CRB1: variants seen among roughly 807,000 people sequenced by gnomAD.
CRB1 encodes the protein protein crumbs homolog 1.
CRB1 carries 83 observed loss-of-function variants against 120.0 expected under a neutral mutation model. The ratio of observed to expected loss-of-function variants is 0.69; its 90% CI spans 0.58 to 0.83. The LOEUF (loss-of-function observed/expected upper bound fraction) is 0.83, where lower values mean the gene tolerates loss of function less well. Ranked by LOEUF, CRB1 falls within the 40% of genes least tolerant of loss-of-function variation. The pLI, the probability that CRB1 is intolerant of heterozygous loss-of-function variation, is 0.00. For missense variants in CRB1, 1,699 were observed against 1,687.6 expected (o/e 1.01, Z -0.12); for synonymous variants, 625 against 612.5 (o/e 1.02, Z -0.30).
At chr1:197,269,125 G>A (rs1654765175) in intron 1 of CRB1, among the ~76,000 whole-genome samples, 1 of 152,210 alleles carries the variant, frequency 6.6e-6, no homozygotes, top group Non-Finnish European at 1.5e-5. Context: ...TGGAAAATCA[G>A]AGGAGACCAA....
At chr1:197,345,661 C>T (rs1558068766) in intron 3 of CRB1, among the ~76,000 whole-genome samples, 1 of 151,852 alleles carries the variant, frequency 6.6e-6, no homozygotes, top group African/African-American at 2.4e-5. Flanking sequence ...ATGCCCACCA[C>T]CATGCCTGGC....
intron 5 of CRB1, among the ~76,000 whole-genome samples, chr1:197,405,609 C>T (rs559593787): frequency 1.4e-3 from 219 of 151,242 alleles, no homozygotes; most frequent in African/African-American, 5.2e-3. Flanking sequence ...TCTGCCCGGC[C>T]GCCATCCCAT....
intron 5 of CRB1, among the ~76,000 whole-genome samples, chr1:197,408,260 G>GA (rs1663521329): frequency 6.6e-6 from 1 of 152,154 alleles, no homozygotes; most frequent in Admixed American, 6.5e-5. Flanking sequence ...AACTGTGAAA[G>GA]AAAGTTGGGA....
chr1:197,274,546 T>A (rs907198820), intron 1 of CRB1, among the ~76,000 whole-genome samples: 19 of 152,190 alleles, frequency 1.2e-4, no homozygotes, highest in Non-Finnish European at 1.8e-4. Flanking sequence ...ACCATTAAAG[T>A]ATTATGCAGA....
intron 11 of CRB1, chr1:197,444,569 T>A (rs1158894145): frequency 1.3e-5 from 2 of 152,236 alleles, no homozygotes; most frequent in African/African-American, 4.8e-5. Context: ...CTGTTCCAAA[T>A]GTAATATGTT....
At chr1:197,442,061 T>A (rs1665469524) in intron 10 of CRB1, 105 bp from the exon 11 acceptor site, 1 of 1,315,170 alleles carries the variant, frequency 7.6e-7, no homozygotes, top group Non-Finnish European at 1.1e-6. Context: ...GATGGGTAGA[T>A]AAGACTGTGC....
chr1:197,416,845 G>A (rs527965804), intron 5 of CRB1, among the ~76,000 whole-genome samples: 86 of 152,204 alleles, frequency 5.7e-4, no homozygotes, highest in Admixed American at 3.1e-3. Flanking sequence ...GAGTAGCTGG[G>A]ATTACAGGCA....
At position 197,268,490 on chromosome 1, in the gene CRB1, T is replaced by A; in HGVS notation, c.70+8T>A. On this transcript the variant is annotated splice_region_variant and intron_variant, in intron 1 of 11. Transcript: ENST00000367400. ...TGCTTATCTACATAAAAAGTAAGCCTTTCCCACTTTGGGCATTTTTCCTGG... is the reference window on the plus strand; with the variant it reads ...TGCTTATCTACATAAAAAGTAAGCCATTCCCACTTTGGGCATTTTTCCTGG... 1 of 1,601,162 alleles carries A rather than the reference T, an allele frequency of 6.2e-7. No homozygotes were observed. Among genetic ancestry groups the A allele is most frequent in the South Asian group, 1.1e-5 (1 of 90,814 alleles).
At chr1:197,358,283 T>C (rs1008828054) in intron 5 of CRB1, among the ~76,000 whole-genome samples, 1 of 152,246 alleles carries the variant, frequency 6.6e-6, no homozygotes, top group African/African-American at 2.4e-5. Flanking sequence ...AGCTACTTTA[T>C]ATTTTTCTTG....
At chr1:197,224,438 C>T in the CRB1 span, among the ~76,000 whole-genome samples, 1 of 152,074 alleles carries the variant, frequency 6.6e-6, no homozygotes, top group Non-Finnish European at 1.5e-5. Context: ...AGTCACAGTT[C>T]CTTTAATGAG....
In CRB1 at chr1:197,427,599, C is replaced by G. The variant is rs1474289008; in HGVS notation, c.2274C>G (p.Ser758Arg). 1.4e-5 allele frequency: 23 copies of G among 1,613,848 alleles called. No individual in the cohort carries two copies. The highest frequency in any genetic ancestry group is 1.8e-5 in the Non-Finnish European group (21 of 1,180,010). ...PSGLLLALEN[S>R]TYQYIRVWLE... Reference sequence around the variant, plus strand: ...GCTTACTTCTAGCTTTGGAAAACAGCACTTATCAATATATCCGTGTCTGGC... The same window carrying G: ...GCTTACTTCTAGCTTTGGAAAACAGGACTTATCAATATATCCGTGTCTGGC... The change falls in exon 7 of 12, where the codon AGC (serine) becomes AGG (arginine). Residue 758 changes from serine (S) to arginine (R), a missense_variant. By Grantham distance (110) the Ser-to-Arg change is moderately radical (BLOSUM62 -1). Coordinates refer to ENST00000367400, the MANE Select transcript of CRB1 (RefSeq NM_201253.3).
Position 197,478,100 on chromosome 1 carries a change from G to A in CRB1, c.*221G>A. 4 of 571,342 alleles carry A rather than the reference G, an allele frequency of 7.0e-6. No homozygotes were observed. Among genetic ancestry groups the A allele is most frequent in the South Asian group, 6.1e-5 (3 of 49,528 alleles). The allele number at this position is 571,342 out of a possible 1,614,324, so 35.4% of individuals were successfully genotyped here. A position where few individuals can be genotyped will look rare whatever the true frequency, so the allele number is the denominator to read the frequency against. On this transcript the variant is annotated 3_prime_UTR_variant, in exon 12 of 12. Coordinates refer to ENST00000367400, the MANE Select transcript of CRB1 (RefSeq NM_201253.3). ...CCAATTGCAAAAAAAGTCTGTGCCA[G>A]TAATTTCAGCCTTATAATTAGCAAA...
chr1:197,324,434 A>G (rs1210332132), intron 1 of CRB1, among the ~76,000 whole-genome samples: 1 of 152,190 alleles, frequency 6.6e-6, no homozygotes, highest in Non-Finnish European at 1.5e-5. Flanking sequence ...AATGTTTTTT[A>G]AAAAACTACT....
chr1:197,348,824 T>C (rs1267229520), intron 4 of CRB1, among the ~76,000 whole-genome samples: 1 of 152,214 alleles, frequency 6.6e-6, no homozygotes, highest in Non-Finnish European at 1.5e-5. Context: ...TGATTTAAGC[T>C]AAGCATTATT....
intron 11 of CRB1, among the ~76,000 whole-genome samples, chr1:197,477,263 C>A (rs937825635): frequency 2.6e-5 from 4 of 152,226 alleles, no homozygotes; most frequent in East Asian, 1.9e-4. Context: ...ATAACCATTT[C>A]TTCAGTCCCA....
chr1:197,366,444 T>C (rs1661081270), intron 5 of CRB1, among the ~76,000 whole-genome samples: 1 of 152,236 alleles, frequency 6.6e-6, no homozygotes, highest in South Asian at 2.1e-4. Context: ...AACTGTTCTT[T>C]TTTTGTATTA....
the CRB1 span, chr1:197,222,905 A>G: frequency 8.7e-7 from 1 of 1,154,054 alleles, no homozygotes; most frequent in Non-Finnish European, 1.3e-6. Flanking sequence ...ACTCTGAACA[A>G]TTCATAGTTG....
intron 6 of CRB1, among the ~76,000 whole-genome samples, chr1:197,423,196 G>T (rs1284549394): frequency 6.6e-6 from 1 of 152,098 alleles, no homozygotes; most frequent in East Asian, 1.9e-4. Context: ...GCTTCCAGAT[G>T]CAGTGACCCA....
At chr1:197,474,578 CCTT>C (rs1253745275) in intron 11 of CRB1, among the ~76,000 whole-genome samples, 1 of 152,178 alleles carries the variant, frequency 6.6e-6, no homozygotes, top group African/African-American at 2.4e-5. Context: ...CCCCATGAGT[CCTT>C]CTTCCTCTCC....
Sources: gnomAD v4.1 joint callset for allele counts (sites outside exome capture counted in the v4.1 genomes callset) on GRCh38, gnomAD v4.1.1 for gene constraint, MANE v1.5 for transcripts, NCBI Gene and HGNC (gene_info 2026-07-23, HGNC 2026-07-21) for gene names.